PACSIN2: variants seen among roughly 807,000 people sequenced by gnomAD.
The protein encoded by PACSIN2 is protein kinase C and casein kinase substrate in neurons protein 2.
In PACSIN2, 25 loss-of-function variants were observed where a neutral mutation model predicts 63.8. The observed-to-expected ratio is 0.39, with a 90% CI of 0.29 to 0.55. PACSIN2 has a LOEUF of 0.55. PACSIN2 is among the 20% of genes least tolerant of loss of function. The pLI is 0.62. For synonymous variants in PACSIN2, 255 were observed against 256.2 expected, an observed-to-expected ratio of 1.00 and a Z score of 0.05; for missense variants, 518 against 646.9, an observed-to-expected ratio of 0.80 and a Z score of 2.16.
chr22:42,876,916 T>A lies in PACSIN2; in HGVS notation c.1123A>T (p.Ser375Cys). 6.2e-7 allele frequency: 1 copy of A among 1,614,164 alleles called. No homozygotes were observed. The highest frequency in any genetic ancestry group is 8.5e-7 in the Non-Finnish European group (1 of 1,180,004). Reference sequence around the variant, plus strand: ...TTGGCCTTAGTGTCGTCCTTCTCACTGACGGTGCTGCCCGTGTCGTCCTCA... The same window carrying A: ...TTGGCCTTAGTGTCGTCCTTCTCACAGACGGTGCTGCCCGTGTCGTCCTCA... ...EDEDDTGSTV[S>C]EKDDTKAKNV... The change falls in exon 9 of 11, where the codon AGT becomes TGT. Residue 375 changes from serine (S) to cysteine (C), a missense_variant. Around this residue, in one of 2 missense-constraint regions of PACSIN2, gnomAD observed 507 missense variants for 612.3 expected, o/e 0.83. Coordinates refer to ENST00000263246, the MANE Select transcript of PACSIN2 (RefSeq NM_001184970.3).
At position 42,910,146 on chromosome 22, in the gene PACSIN2, G is replaced by T. The variant is rs368797833; in HGVS notation, c.60+1875C>A. Among the ~76,000 whole-genome samples the T allele has an allele frequency of 6.2e-4, 95 of 152,268 alleles. 1 individual carries two copies. In the South Asian group the frequency reaches 0.019, roughly 30 times the overall value. ...CAAACCCAGACCTCCTGGCTCCAAA[G>T]CAATGTCTTCACCTGTCCCCATTGC... On this transcript the variant is annotated intron_variant, in intron 2 of 10. Coordinates refer to ENST00000263246, the MANE Select transcript of PACSIN2 (RefSeq NM_001184970.3).
chr22:42,959,143 G>A (rs770357673), intron 1 of PACSIN2, among the ~76,000 whole-genome samples: 4 of 152,130 alleles, frequency 2.6e-5, no homozygotes, highest in Admixed American at 6.5e-5. Flanking sequence ...GAAGGTGGTC[G>A]GGAGGGGTCC....
chr22:42,947,301 C>CA (rs887629467), intron 1 of PACSIN2, among the ~76,000 whole-genome samples: 1 of 152,156 alleles, frequency 6.6e-6, no homozygotes, highest in Non-Finnish European at 1.5e-5. Flanking sequence ...CCAAGACAGA[C>CA]AAAGAGTATT....
chr22:42,975,417 G>A (rs1322900265), intron 1 of PACSIN2, among the ~76,000 whole-genome samples: 3 of 147,112 alleles, frequency 2.0e-5, no homozygotes, highest in Admixed American at 6.7e-5. Context: ...TCAGGAGTTC[G>A]GGCAAGACCC....
intron 1 of PACSIN2, among the ~76,000 whole-genome samples, chr22:42,914,333 A>G (rs561462960): frequency 6.6e-6 from 1 of 152,320 alleles, no homozygotes; most frequent in South Asian, 2.1e-4. Context: ...CCCAGGTTCA[A>G]GCAACTCTAG....
At chr22:42,926,657 C>T (rs181741655) in intron 1 of PACSIN2, among the ~76,000 whole-genome samples, 12 of 144,354 alleles carry the variant, frequency 8.3e-5, no homozygotes, top group African/African-American at 3.3e-4. Context: ...AGACCAAGCC[C>T]TCTTCTTCCC....
chr22:43,009,674 T>C (rs1924323758), intron 1 of PACSIN2, among the ~76,000 whole-genome samples: 1 of 152,014 alleles, frequency 6.6e-6, no homozygotes, highest in South Asian at 2.1e-4. Flanking sequence ...CCATCCACGC[T>C]CCTCCCCCTC....
intron 2 of PACSIN2, among the ~76,000 whole-genome samples, chr22:42,898,125 G>C (rs534118345): frequency 6.6e-6 from 1 of 152,018 alleles, no homozygotes; most frequent in Admixed American, 6.6e-5. Context: ...CAGGGCATGC[G>C]AGCCAAAAAA....
intron 1 of PACSIN2, among the ~76,000 whole-genome samples, chr22:42,954,242 G>A (rs1031437725): frequency 5.9e-5 from 9 of 152,300 alleles, no homozygotes; most frequent in African/African-American, 1.9e-4. Flanking sequence ...CAGCCTAGGC[G>A]ACTGGGCAAG....
chr22:42,960,109 T>C (rs770234968), intron 1 of PACSIN2, among the ~76,000 whole-genome samples: 6 of 152,158 alleles, frequency 3.9e-5, no homozygotes, highest in Non-Finnish European at 8.8e-5. Flanking sequence ...ACAAAATTCA[T>C]ACTACCCCCT....
chr22:42,893,182 T>C (rs1240530959), intron 3 of PACSIN2, among the ~76,000 whole-genome samples: 1 of 152,224 alleles, frequency 6.6e-6, no homozygotes, highest in African/African-American at 2.4e-5. Flanking sequence ...AGTTCTGAGT[T>C]AACTCGGCAA....
chr22:42,908,089 A>G (rs117632373), intron 2 of PACSIN2, among the ~76,000 whole-genome samples: 85 of 152,308 alleles, frequency 5.6e-4, no homozygotes, highest in South Asian at 1.0e-3. Flanking sequence ...CATCTCCCCA[A>G]ATACTCTTCT....
intron 3 of PACSIN2, 68 bp downstream of exon 3, chr22:42,893,389 C>A (rs987133231): frequency 3.4e-5 from 51 of 1,508,828 alleles, no homozygotes; most frequent in Middle Eastern, 4.6e-4. Context: ...AGGGTCACAA[C>A]GTGCCCAGAG....
chr22:42,882,547 C>T (rs1355088675), intron 6 of PACSIN2, among the ~76,000 whole-genome samples: 2 of 152,236 alleles, frequency 1.3e-5, no homozygotes, highest in African/African-American at 4.8e-5. Flanking sequence ...CTAAGCCCTG[C>T]TCTGTGTCAC....
At chr22:42,949,996 C>T (rs1047117494) in intron 1 of PACSIN2, among the ~76,000 whole-genome samples, 1 of 152,268 alleles carries the variant, frequency 6.6e-6, no homozygotes, top group South Asian at 2.1e-4. Context: ...GCAGGCCCTG[C>T]GGTCCAGGAG....
Position 42,876,971 on chromosome 22 carries a change from C to A in PACSIN2, c.1068G>T (p.Gln356His), listed in dbSNP as rs1354764557. 15 of 1,614,068 alleles carry A rather than the reference C, an allele frequency of 9.3e-6. No individual in the cohort carries two copies. Among genetic ancestry groups the A allele is most frequent in the African/African-American group, 2.7e-5 (2 of 74,918 alleles). The change falls in exon 9 of 11, where the codon CAG becomes CAT. Residue 356 changes from glutamine to histidine, a missense_variant. Gln to His is a conservative substitution (Grantham distance 24, BLOSUM62 0). Around this residue, in one of 2 missense-constraint regions of PACSIN2, gnomAD observed 507 missense variants for 612.3 expected, o/e 0.83. Coordinates refer to ENST00000263246, the MANE Select transcript of PACSIN2 (RefSeq NM_001184970.3). ...NVPSNPAQSA[Q>H]SQSSYNPFED... Reference sequence around the variant, plus strand: ...CGAAGGGGTTGTAGCTGGACTGTGACTGCGCAGACTGGGCGGGGTTGCTCG... The same window carrying A: ...CGAAGGGGTTGTAGCTGGACTGTGAATGCGCAGACTGGGCGGGGTTGCTCG...
At chr22:42,874,597 G>T (rs112331742) in intron 10 of PACSIN2, among the ~76,000 whole-genome samples, 1 of 152,220 alleles carries the variant, frequency 6.6e-6, no homozygotes, top group Non-Finnish European at 1.5e-5. Flanking sequence ...TCTGGGCAAA[G>T]CTGTGGCTCT....
chr22:42,926,319 A>G (rs1282271560), intron 1 of PACSIN2, among the ~76,000 whole-genome samples: 1 of 152,156 alleles, frequency 6.6e-6, no homozygotes, highest in East Asian at 1.9e-4. Context: ...GGCCCTCCAG[A>G]AGCACCCATC....
At chr22:42,995,967 T>TCCCA (rs1923367642) in intron 1 of PACSIN2, among the ~76,000 whole-genome samples, 1 of 152,102 alleles carries the variant, frequency 6.6e-6, no homozygotes, top group Non-Finnish European at 1.5e-5. Flanking sequence ...ACGTCTGTAA[T>TCCCA]CCCAGCACTT....
Sources: gnomAD v4.1 joint callset for allele counts (sites outside exome capture counted in the v4.1 genomes callset) on GRCh38, gnomAD v4.1.1 for gene constraint, gnomAD v4.1.1 regional missense constraint, MANE v1.5 for transcripts, NCBI Gene and HGNC (gene_info 2026-07-23, HGNC 2026-07-21) for gene names.